Variants in PRKCA observed in about 807,000 individuals in gnomAD.
The protein encoded by PRKCA is protein kinase C alpha, also known as protein kinase C alpha type.
PRKCA carries 27 observed loss-of-function variants against 87.0 expected under a neutral mutation model. The observed-to-expected ratio is 0.31, with a 90% CI of 0.23 to 0.43. The LOEUF (loss-of-function observed/expected upper bound fraction) is 0.43, where lower values mean the gene tolerates loss of function less well. Among genes scored for constraint, PRKCA ranks in the 20% least tolerant of loss-of-function variants. PRKCA has a pLI of 1.00. For missense variants in PRKCA, 518 were observed against 852.3 expected, an observed-to-expected ratio of 0.61 and a Z score of 4.88; for synonymous variants, 329 against 311.1, an observed-to-expected ratio of 1.06 and a Z score of -0.61.
intron 14 of PRKCA, chr17:66,778,000 C>T (rs1333364405): frequency 3.0e-6 from 3 of 985,292 alleles, no homozygotes; most frequent in Non-Finnish European, 3.6e-6. Flanking sequence ...TGAAGCTCTG[C>T]CACACTGGCC....
intron 2 of PRKCA, among the ~76,000 whole-genome samples, chr17:66,491,669 A>G (rs1018673636): frequency 1.3e-5 from 2 of 152,252 alleles, no homozygotes; most frequent in Non-Finnish European, 1.5e-5. Flanking sequence ...GGGAAACCCT[A>G]TGATGTCCAT....
intron 2 of PRKCA, among the ~76,000 whole-genome samples, chr17:66,460,102 A>G (rs1042135382): frequency 4.6e-5 from 7 of 152,136 alleles, no homozygotes; most frequent in Non-Finnish European, 7.3e-5. Context: ...AAGCCCACAG[A>G]GTTGTGTTGT....
chr17:66,534,557 C>T (rs1967699049), intron 3 of PRKCA, among the ~76,000 whole-genome samples: 1 of 152,094 alleles, frequency 6.6e-6, no homozygotes, highest in Non-Finnish European at 1.5e-5. Flanking sequence ...GTCCCAGCTA[C>T]TCGGGAGGCT....
chr17:66,775,612 A>T, intron 14 of PRKCA: 1 of 985,424 alleles, frequency 1.0e-6, no homozygotes, highest in Non-Finnish European at 1.2e-6. Context: ...GACTCTCCAT[A>T]GCCAGAAGCC....
chr17:66,559,596 CAGAG>C (rs1968620056), intron 3 of PRKCA, among the ~76,000 whole-genome samples: 1 of 148,898 alleles, frequency 6.7e-6, no homozygotes, highest in Non-Finnish European at 1.5e-5. Flanking sequence ...CGGTGAGTGA[CAGAG>C]AGAAACTGTC....
chr17:66,475,247 A>T (rs1915490212), intron 2 of PRKCA, among the ~76,000 whole-genome samples: 1 of 152,068 alleles, frequency 6.6e-6, no homozygotes, highest in Non-Finnish European at 1.5e-5. Context: ...GAGTGAATAA[A>T]GATTTGTTGT....
intron 3 of PRKCA, among the ~76,000 whole-genome samples, chr17:66,577,573 G>A (rs1969277541): frequency 6.6e-6 from 1 of 152,152 alleles, no homozygotes; most frequent in African/African-American, 2.4e-5. Context: ...GCCTGCTTCA[G>A]ACCTAGAGCT....
chr17:66,544,991 A>T lies in PRKCA; in HGVS notation c.288+48708A>T, dbSNP rs77360697. Among the ~76,000 whole-genome samples the T allele has an allele frequency of 2.6e-5, 4 of 152,248 alleles. No homozygotes were observed. The East Asian group carries it at 7.7e-4, about 29-fold the overall frequency. On this transcript the variant is annotated intron_variant, in intron 3 of 16. Transcript: ENST00000413366. ...TTTTACAGATCACGAAATGATAAGT[A>T]ACTTACCGAAAGTTACATTATTTAA...
At chr17:66,533,509 C>CAA (rs1431475506) in intron 3 of PRKCA, among the ~76,000 whole-genome samples, 8 of 152,234 alleles carry the variant, frequency 5.3e-5, no homozygotes, top group Admixed American at 5.2e-4. Flanking sequence ...TGTGTATTGA[C>CAA]TGCTTGATTT....
chr17:66,499,865 A>G (rs1037235752), intron 3 of PRKCA, among the ~76,000 whole-genome samples: 1 of 152,074 alleles, frequency 6.6e-6, no homozygotes, highest in African/African-American at 2.4e-5. Flanking sequence ...CACCCAAAAG[A>G]TCATGCATTC....
At chr17:66,668,552 A>G (rs559647224) in intron 5 of PRKCA, among the ~76,000 whole-genome samples, 5 of 152,344 alleles carry the variant, frequency 3.3e-5, no homozygotes, top group African/African-American at 7.2e-5. Context: ...GGAAGAGGGA[A>G]GCAAGTTCTC....
intron 3 of PRKCA, among the ~76,000 whole-genome samples, chr17:66,623,785 G>A (rs1260426104): frequency 6.6e-6 from 1 of 152,196 alleles, no homozygotes; most frequent in African/African-American, 2.4e-5. Context: ...AGGAAAACCT[G>A]GAGGAGTAGG....
At chr17:66,470,213 A>T (rs79114493) in intron 2 of PRKCA, among the ~76,000 whole-genome samples, 3,059 of 110,322 alleles carry the variant, frequency 0.028, 109 homozygotes, top group African/African-American at 0.13. Context: ...TTTTTTTTTT[A>T]AAAGACAGAG....
intron 16 of PRKCA, among the ~76,000 whole-genome samples, chr17:66,794,911 G>A (rs117017747): frequency 2.0e-5 from 3 of 152,036 alleles, no homozygotes; most frequent in East Asian, 1.9e-4. Context: ...GGCTGACCTC[G>A]GTATCATTCT....
Position 66,505,754 on chromosome 17 carries a change from A to C in PRKCA, c.288+9471A>C, listed in dbSNP as rs376812099. Among the ~76,000 whole-genome samples the C allele has an allele frequency of 5.9e-5, 9 of 152,354 alleles. No homozygotes were observed. The East Asian group carries it at 1.5e-3, about 26-fold the overall frequency. ...TTGTGAAACTTATAAAATGCCTCTG[A>C]CATCAAGTCTGGGAACAGATCTTTG... On this transcript the variant is annotated intron_variant, in intron 3 of 16. Transcript: ENST00000413366.
chr17:66,374,213 T>G (rs1909281183), intron 2 of PRKCA, among the ~76,000 whole-genome samples: 1 of 152,090 alleles, frequency 6.6e-6, no homozygotes, highest in Non-Finnish European at 1.5e-5. Context: ...CTCCACCACC[T>G]CCTCAACTAG....
chr17:66,761,693 G>A (rs1974689149), intron 13 of PRKCA, among the ~76,000 whole-genome samples: 2 of 151,728 alleles, frequency 1.3e-5, no homozygotes, highest in African/African-American at 4.8e-5. Flanking sequence ...CAAAGTGCTG[G>A]GATTACAAAT....
intron 8 of PRKCA, among the ~76,000 whole-genome samples, chr17:66,730,177 T>TCAGC (rs1231141473): frequency 6.6e-6 from 1 of 152,180 alleles, no homozygotes; most frequent in Non-Finnish European, 1.5e-5. Flanking sequence ...CTGTATTTGT[T>TCAGC]CAGCCAGAGA....
chr17:66,383,756 C>T (rs1303079750), intron 2 of PRKCA, among the ~76,000 whole-genome samples: 1 of 152,030 alleles, frequency 6.6e-6, no homozygotes, highest in African/African-American at 2.4e-5. Context: ...AGTTCAAAAC[C>T]AGCTAGGACA....
Sources: allele counts gnomAD v4.1 joint callset (sites outside exome capture counted in the v4.1 genomes callset), GRCh38; gene constraint gnomAD v4.1.1; transcripts MANE v1.5; gene names NCBI Gene and HGNC (gene_info 2026-07-23, HGNC 2026-07-21).